Variants in ANK3 observed in about 807,000 individuals in gnomAD.
ANK3 encodes ankyrin-3.
In ANK3, 57 loss-of-function variants were observed where a neutral mutation model predicts 370.9. The observed-to-expected ratio is 0.15, with a 90% CI of 0.12 to 0.19. The LOEUF is 0.19. Among genes scored for constraint, ANK3 ranks in the 10% least tolerant of loss-of-function variants. The pLI is 1.00. For missense variants in ANK3, 4,439 were observed against 5,302.1 expected, an observed-to-expected ratio of 0.84 and a Z score of 5.06; for synonymous variants, 1,929 against 1,946.3, an observed-to-expected ratio of 0.99 and a Z score of 0.23.
chr10:60,103,489 T>G lies in ANK3; in HGVS notation c.3328+2416A>C, dbSNP rs945962826. On this transcript the variant is annotated intron_variant, in intron 28 of 43. Coordinates refer to ENST00000280772, the MANE Select transcript of ANK3 (RefSeq NM_020987.5). The stretch of plus-strand genomic sequence containing the variant: ...GCTTTTTAAAAAGACAGATTTGGGA[T>G]TTTTTTTTTGGCTGGTCTGCTTTTG... Among the ~76,000 whole-genome samples, 7 of 220 alleles carry G rather than the reference T, an allele frequency of 0.032. No individual in the cohort carries two copies. In the South Asian group the frequency reaches 0.38, roughly 12 times the overall value. The allele number at this position is 220 out of a possible 152,430, so 0.1% of individuals were successfully genotyped here. A position where few individuals can be genotyped will look rare whatever the true frequency, so the allele number is the denominator to read the frequency against.
intron 33 of ANK3, 111 bp from the exon 34 acceptor site, chr10:60,082,848 G>T: frequency 7.9e-7 from 1 of 1,260,406 alleles, no homozygotes; most frequent in South Asian, 1.5e-5. Flanking sequence ...AGGCAGGAAA[G>T]GTAAAGGGAA....
chr10:60,091,289 A>C (rs1424645413), intron 28 of ANK3, among the ~76,000 whole-genome samples: 6 of 152,230 alleles, frequency 3.9e-5, no homozygotes, highest in Admixed American at 3.9e-4. Flanking sequence ...GTTTACCCAT[A>C]TCCTAGACAT....
rs570124436 is a variant in ANK3, at chr10:60,217,778, T to C, written c.898-4268A>G. Among the ~76,000 whole-genome samples the C allele has an allele frequency of 2.6e-5, 4 of 152,330 alleles. No homozygotes were observed. In the South Asian group the frequency reaches 8.3e-4, roughly 32 times the overall value. On this transcript the variant is annotated intron_variant, in intron 8 of 43. Transcript: ENST00000280772. ...GTAGACGTCTACTAGGTCCACTTTA[T>C]CCAGAGCTGAATTCAAATCCTGACT...
At chr10:60,243,210 A>G (rs2097498947) in intron 7 of ANK3, among the ~76,000 whole-genome samples, 1 of 152,180 alleles carries the variant, frequency 6.6e-6, no homozygotes, top group Admixed American at 6.5e-5. Context: ...TATCTGTAAA[A>G]TTAGGCTAAT....
At position 60,086,919 on chromosome 10, in the gene ANK3, C is replaced by CTTTT. The variant is rs748424381; in HGVS notation, c.3541-39_3541-36dup. 252 of 987,172 alleles carry CTTTT rather than the reference C, an allele frequency of 2.6e-4. No homozygotes were observed. In the African/African-American group the frequency reaches 4.6e-3, roughly 18 times the overall value. The allele number at this position is 987,172 out of a possible 1,614,324, so 61.2% of individuals were successfully genotyped here. ...GAGAAAGGACTTTAAATGAAAGTGA[C>CTTTT]TTTTTTTTTTTTTTTTCCCAATCAT... On this transcript the variant is annotated intron_variant, in intron 29 of 43. Coordinates refer to ENST00000280772, the MANE Select transcript of ANK3 (RefSeq NM_020987.5).
intron 2 of ANK3, among the ~76,000 whole-genome samples, chr10:60,477,514 CAT>C (rs1491488074): frequency 0.047 from 6,152 of 131,060 alleles, 117 homozygotes; most frequent in South Asian, 0.067. Context: ...GACAGACAGA[CAT>C]ACACACACAC....
At chr10:60,327,747 G>T (rs924543440) in intron 1 of ANK3, among the ~76,000 whole-genome samples, 1 of 152,084 alleles carries the variant, frequency 6.6e-6, no homozygotes, top group South Asian at 2.1e-4. Context: ...CTACAGCTCC[G>T]CAGCCTGGCT....
At chr10:60,393,624 C>T (rs1204088971), upstream of ANK3, among the ~76,000 whole-genome samples, 1 of 152,110 alleles carries the variant, frequency 6.6e-6, no homozygotes, top group Non-Finnish European at 1.5e-5. Context: ...GATATCACAG[C>T]CAAGTATTTC....
intron 41 of ANK3, among the ~76,000 whole-genome samples, chr10:60,058,711 A>C (rs1327455376): frequency 6.6e-6 from 1 of 152,184 alleles, no homozygotes; most frequent in Non-Finnish European, 1.5e-5. Flanking sequence ...TAGGAAAAAA[A>C]CAGTAATGTT....
chr10:60,645,172 C>A (rs1414718019), intron 1 of ANK3, among the ~76,000 whole-genome samples: 1 of 151,886 alleles, frequency 6.6e-6, no homozygotes, highest in African/African-American at 2.4e-5. Context: ...AATTTGAAAT[C>A]CTCTTTTGTC....
At chr10:60,608,970 T>TA (rs1195623614) in intron 2 of ANK3, among the ~76,000 whole-genome samples, 1 of 152,194 alleles carries the variant, frequency 6.6e-6, no homozygotes, top group African/African-American at 2.4e-5. Flanking sequence ...AACATTTTTT[T>TA]AAGCCCTCAT....
At chr10:60,602,527 G>T (rs2078078179) in intron 2 of ANK3, among the ~76,000 whole-genome samples, 1 of 152,100 alleles carries the variant, frequency 6.6e-6, no homozygotes, top group Admixed American at 6.6e-5. Context: ...TTTGAAAAGG[G>T]TATATCATAA....
chr10:60,136,614 C>T (rs2094356087), intron 24 of ANK3, among the ~76,000 whole-genome samples: 1 of 152,158 alleles, frequency 6.6e-6, no homozygotes, highest in African/African-American at 2.4e-5. Flanking sequence ...ACTTCTTAAA[C>T]ATCTCCTCCT....
At chr10:60,032,194 C>CTTTTGTTTTTTTTTTTTTTTTTTT in intron 43 of ANK3, among the ~76,000 whole-genome samples, 1 of 43,114 alleles carries the variant, frequency 2.3e-5, no homozygotes, top group Non-Finnish European at 4.5e-5. Flanking sequence ...TACACAGCTT[C>CTTTTGTTTTTTTTTTTTTTTTTTT]TTTTTTTTTT....
chr10:60,195,687 A>G lies in ANK3; in HGVS notation c.1887+458T>C, dbSNP rs549030295. Among the ~76,000 whole-genome samples, 13 of 152,332 alleles carry G rather than the reference A, an allele frequency of 8.5e-5. No homozygotes were observed. In the East Asian group the frequency reaches 2.5e-3, roughly 29 times the overall value. ...GAAATCTAAGTTGTCTACTGATCAA[A>G]AAGGCCCTAACAATAAAGATCCTCC... On this transcript the variant is annotated intron_variant, in intron 16 of 43. Transcript: ENST00000280772.
At chr10:60,684,384 C>T (rs1040552435) in intron 1 of ANK3, 4 of 549,222 alleles carry the variant, frequency 7.3e-6, no homozygotes, top group African/African-American at 1.9e-5. Flanking sequence ...CTGAGAGAGA[C>T]GTTGAGTGAA....
chr10:60,092,331 C>T (rs148663052), intron 28 of ANK3, among the ~76,000 whole-genome samples: 5 of 152,108 alleles, frequency 3.3e-5, no homozygotes, highest in African/African-American at 1.2e-4. Context: ...AACATTTCTG[C>T]CTCCTTTATC....
intron 1 of ANK3, among the ~76,000 whole-genome samples, chr10:60,313,935 T>TG (rs200128518): frequency 6.6e-6 from 1 of 151,402 alleles, no homozygotes; most frequent in African/African-American, 2.4e-5. Flanking sequence ...TTTGTTTTTT[T>TG]TTTTTTTGCT....
intron 43 of ANK3, among the ~76,000 whole-genome samples, chr10:60,030,427 C>T (rs1320087796): frequency 6.6e-6 from 1 of 152,186 alleles, no homozygotes; most frequent in Non-Finnish European, 1.5e-5. Context: ...CAGGCATGAG[C>T]CACCACGCCC....
Sources: allele counts gnomAD v4.1 joint callset (sites outside exome capture counted in the v4.1 genomes callset), GRCh38; gene constraint gnomAD v4.1.1; transcripts MANE v1.5; gene names NCBI Gene and HGNC (gene_info 2026-07-23, HGNC 2026-07-21).